CNTN5: variants seen among roughly 807,000 people sequenced by gnomAD.
CNTN5 encodes the protein contactin 5.
Under a neutral mutation model 129.1 loss-of-function variants are expected in CNTN5, and 77 were observed. The ratio of observed to expected loss-of-function variants is 0.60; its 90% CI spans 0.50 to 0.72. The LOEUF (loss-of-function observed/expected upper bound fraction) is 0.72, where lower values mean the gene tolerates loss of function less well. CNTN5 is among the 30% of genes least tolerant of loss of function. The probability of loss-of-function intolerance (pLI) is 0.00; values close to 1 mark genes in which losing one functional copy is unlikely to be tolerated. For missense variants in CNTN5, 1,478 were observed against 1,328.8 expected, an observed-to-expected ratio of 1.11 and a Z score of -1.75; for synonymous variants, 509 against 465.6, an observed-to-expected ratio of 1.09 and a Z score of -1.20.
intron 10 of CNTN5, among the ~76,000 whole-genome samples, chr11:100,065,471 G>A (rs1672860434): frequency 1.3e-5 from 2 of 151,986 alleles, no homozygotes; most frequent in Admixed American, 1.3e-4. Flanking sequence ...ATCACCAAGA[G>A]CTTACCTTCT....
chr11:99,913,031 A>G (rs1425683737), intron 6 of CNTN5, among the ~76,000 whole-genome samples: 2 of 152,034 alleles, frequency 1.3e-5, no homozygotes, highest in Non-Finnish European at 2.9e-5. Flanking sequence ...TCAAGCCAAT[A>G]TCTATAAAAG....
Position 99,085,194 on chromosome 11 carries a change from AC to A in CNTN5, c.-210+63929del, listed in dbSNP as rs368258547. On this transcript the variant is annotated intron_variant, in intron 1 of 24. Coordinates refer to ENST00000524871, the MANE Select transcript of CNTN5 (RefSeq NM_014361.4). ...CCAGTAGCTGGGAGTACAGGCAGGTACCCCCACGCCCAGCTAATTTTTGTAT... is the reference window on the plus strand; with the variant it reads ...CCAGTAGCTGGGAGTACAGGCAGGTACCCCACGCCCAGCTAATTTTTGTAT... Among the ~76,000 whole-genome samples the A allele has an allele frequency of 1.8e-3, 266 of 151,766 alleles. 3 individuals carry two copies. Among genetic ancestry groups the A allele is most frequent in the East Asian group, 7.8e-3 (40 of 5,126 alleles).
At chr11:99,798,449 G>A (rs1043350784) in intron 3 of CNTN5, among the ~76,000 whole-genome samples, 1 of 152,124 alleles carries the variant, frequency 6.6e-6, no homozygotes, top group African/African-American at 2.4e-5. Flanking sequence ...TATAAATGGT[G>A]AAAGATCAAG....
intron 3 of CNTN5, among the ~76,000 whole-genome samples, chr11:99,573,008 T>C (rs1363780461): frequency 6.6e-6 from 1 of 152,144 alleles, no homozygotes; most frequent in Non-Finnish European, 1.5e-5. Flanking sequence ...TTTTTAAATT[T>C]AAAATAGCCA....
intron 7 of CNTN5, among the ~76,000 whole-genome samples, chr11:99,931,967 T>C (rs952776455): frequency 6.6e-6 from 1 of 152,168 alleles, no homozygotes; most frequent in African/African-American, 2.4e-5. Flanking sequence ...ACCTCCAATA[T>C]CTCCCCATCA....
chr11:99,294,243 C>T (rs986010974), intron 1 of CNTN5, among the ~76,000 whole-genome samples: 1 of 152,032 alleles, frequency 6.6e-6, no homozygotes, highest in Non-Finnish European at 1.5e-5. Flanking sequence ...CCCTTGTTTG[C>T]AAACGTGACC....
intron 2 of CNTN5, among the ~76,000 whole-genome samples, chr11:99,344,454 G>T (rs981445947): frequency 1.3e-5 from 2 of 152,012 alleles, no homozygotes; most frequent in Non-Finnish European, 2.9e-5. Flanking sequence ...ATCTGACAGG[G>T]TCTTCATACT....
intron 6 of CNTN5, among the ~76,000 whole-genome samples, chr11:99,906,682 C>G (rs555483605): frequency 3.5e-4 from 53 of 152,206 alleles, no homozygotes; most frequent in Non-Finnish European, 7.1e-4. Flanking sequence ...AGAGGAGTCC[C>G]TCTTTTCTAC....
intron 9 of CNTN5, among the ~76,000 whole-genome samples, chr11:100,040,693 G>A (rs957769846): frequency 3.9e-5 from 6 of 152,084 alleles, no homozygotes; most frequent in Non-Finnish European, 8.8e-5. Flanking sequence ...CCCTCCCCCA[G>A]CCTCACTGCC....
intron 15 of CNTN5, among the ~76,000 whole-genome samples, chr11:100,204,159 G>T (rs1263174711): frequency 6.7e-6 from 1 of 149,450 alleles, no homozygotes; most frequent in African/African-American, 2.5e-5. Flanking sequence ...ATACTTATTT[G>T]CTGGGCTTAA....
chr11:99,628,678 C>T (rs1186362133), intron 3 of CNTN5, among the ~76,000 whole-genome samples: 1 of 138,260 alleles, frequency 7.2e-6, no homozygotes, highest in Non-Finnish European at 1.6e-5. Context: ...TATTTATCAA[C>T]ATTGAATATA....
chr11:99,301,878 A>G (rs975152778), intron 1 of CNTN5, among the ~76,000 whole-genome samples: 1 of 151,780 alleles, frequency 6.6e-6, no homozygotes, highest in Admixed American at 6.6e-5. Context: ...CATGTAAAGT[A>G]TGGACTCAAA....
chr11:100,273,024 T>C (rs72985664), intron 18 of CNTN5, among the ~76,000 whole-genome samples: 1 of 152,056 alleles, frequency 6.6e-6, no homozygotes, highest in African/African-American at 2.4e-5. Flanking sequence ...TAGGGGAACT[T>C]TCTGTCTGTC....
intron 3 of CNTN5, among the ~76,000 whole-genome samples, chr11:99,748,114 G>GT (rs937333429): frequency 2.6e-5 from 4 of 151,960 alleles, no homozygotes; most frequent in Admixed American, 2.0e-4. Flanking sequence ...GAGTTTGCTA[G>GT]TTTTTTTGTT....
chr11:99,973,884 C>A (rs2137318494), intron 8 of CNTN5, among the ~76,000 whole-genome samples: 1 of 152,276 alleles, frequency 6.6e-6, no homozygotes, highest in Admixed American at 6.5e-5. Flanking sequence ...AATAACAAGA[C>A]ATTTATTTCT....
intron 3 of CNTN5, among the ~76,000 whole-genome samples, chr11:99,632,193 GC>G (rs1702004455): frequency 1.3e-5 from 2 of 150,262 alleles, no homozygotes; most frequent in Non-Finnish European, 1.5e-5. Flanking sequence ...ACAATTTAGT[GC>G]TAAAATGTAA....
chr11:100,046,067 C>T (rs973793484), intron 9 of CNTN5, among the ~76,000 whole-genome samples: 17 of 140,970 alleles, frequency 1.2e-4, no homozygotes, highest in African/African-American at 4.5e-4. Flanking sequence ...TTAACTCACT[C>T]ATAGGTGGGA....
At chr11:99,508,574 G>C (rs75439452) in intron 2 of CNTN5, among the ~76,000 whole-genome samples, 2,384 of 152,174 alleles carry the variant, frequency 0.016, 49 homozygotes, top group African/African-American at 0.048. Flanking sequence ...TGGATAATGA[G>C]AGCAAACTGC....
chr11:99,837,271 T>C (rs1242840945), intron 4 of CNTN5, among the ~76,000 whole-genome samples: 1 of 152,200 alleles, frequency 6.6e-6, no homozygotes, highest in Non-Finnish European at 1.5e-5. Context: ...GATTTTATTT[T>C]AATGTAATAT....
Sources: allele counts gnomAD v4.1 joint callset (sites outside exome capture counted in the v4.1 genomes callset), GRCh38; gene constraint gnomAD v4.1.1; transcripts MANE v1.5; gene names NCBI Gene and HGNC (gene_info 2026-07-23, HGNC 2026-07-21).